Variants in COPA observed in about 807,000 individuals in gnomAD.
The protein encoded by COPA is coat protein complex I subunit alpha.
In COPA, 10 loss-of-function variants were observed where a neutral mutation model predicts 158.7. That is an observed-to-expected ratio of 0.06 (90% confidence interval 0.04 to 0.11). COPA has a LOEUF of 0.11. COPA is among the 10% of genes least tolerant of loss of function. COPA has a pLI of 1.00. For missense variants in COPA, 1,065 were observed against 1,536.7 expected (o/e 0.69, Z 5.13); for synonymous variants, 462 against 542.8 (o/e 0.85, Z 2.07).
intron 17 of COPA, among the ~76,000 whole-genome samples, chr1:160,303,071 G>A (rs1454507756): frequency 6.6e-6 from 1 of 152,032 alleles, no homozygotes; most frequent in Admixed American, 6.6e-5. Context: ...TACTCAGGAG[G>A]CTGAGGCAGG....
intron 17 of COPA, 134 bp downstream of exon 17, chr1:160,305,299 C>T: frequency 1.4e-6 from 1 of 740,078 alleles, no homozygotes. Flanking sequence ...TGTTCTGATG[C>T]CCCTTGCACA....
chr1:160,342,264 C>A (rs1466470021), intron 1 of COPA, among the ~76,000 whole-genome samples: 1 of 152,190 alleles, frequency 6.6e-6, no homozygotes, highest in African/African-American at 2.4e-5. Context: ...CATCTGACTT[C>A]AAAGACCAAG....
intron 13 of COPA, among the ~76,000 whole-genome samples, chr1:160,308,486 C>G (rs1571160873): frequency 6.6e-6 from 1 of 152,184 alleles, no homozygotes; most frequent in African/African-American, 2.4e-5. Flanking sequence ...TGACCTGGTA[C>G]TAGCCATAAA....
At chr1:160,295,973 T>C in intron 22 of COPA, 88 bp downstream of exon 22, 1 of 1,575,956 alleles carries the variant, frequency 6.3e-7, no homozygotes, top group Non-Finnish European at 8.7e-7. Context: ...GGTAACCAGG[T>C]GGGAGAGTGA....
rs187547429 is a variant in COPA at position 160,305,537 on chromosome 1, T to C, written c.1563A>G (p.Leu521=). ...CACGAATGTTCTCATGAATGTTACA[T>C]AAAGCATCCAGTTTGCGGTTACAGA... ...IVICNRKLDA[L]CNIHENIRVK... Residue 521 remains leucine (L), a synonymous_variant, in exon 17 of 33, where the codon TTA becomes TTG. Coordinates refer to ENST00000241704, the MANE Select transcript of COPA (RefSeq NM_004371.4). 7 of 1,614,074 alleles carry C rather than the reference T, an allele frequency of 4.3e-6. No homozygotes were observed. The highest frequency in any genetic ancestry group is 5.9e-6 in the Non-Finnish European group (7 of 1,180,052).
chr1:160,301,588 C>T (rs1282476656), intron 17 of COPA, among the ~76,000 whole-genome samples: 1 of 151,924 alleles, frequency 6.6e-6, no homozygotes, highest in African/African-American at 2.4e-5. Context: ...GCCTGAGCAA[C>T]ATGGTGAAAC....
At chr1:160,309,215 G>C in intron 12 of COPA, 39 bp from the exon 13 acceptor site, 1 of 1,485,278 alleles carries the variant, frequency 6.7e-7, no homozygotes, top group Non-Finnish European at 9.4e-7. Context: ...TTAGTGAGAA[G>C]CACCCAAGAT....
At chr1:160,318,475 A>AAC (rs1659221057) in intron 8 of COPA, among the ~76,000 whole-genome samples, 1 of 89,634 alleles carries the variant, frequency 1.1e-5, no homozygotes, top group Non-Finnish European at 2.0e-5. Context: ...TTGTAAAAAA[A>AAC]AAAAAAAAAA....
chr1:160,342,711 C>T (rs73029438), intron 1 of COPA, among the ~76,000 whole-genome samples: 7,530 of 152,190 alleles, frequency 0.049, 361 homozygotes, highest in African/African-American at 0.12. Flanking sequence ...TGCCACTACT[C>T]GTCTCCAAAA....
rs990253819 is a variant in COPA, at chr1:160,314,246, T to C, written c.707-121A>G. ...ATTACAGAATGCTAAATTGCCAACT[T>C]CTTTCTAATATGGCAATCTTCTTCA... is the stretch of plus-strand genomic sequence containing the variant. On this transcript the variant is annotated intron_variant, in intron 8 of 32. Coordinates refer to ENST00000241704, the MANE Select transcript of COPA (RefSeq NM_004371.4). The C allele has an allele frequency of 3.5e-5, 35 of 991,670 alleles. No individual in the cohort carries two copies. In the African/African-American group the frequency reaches 5.3e-4, roughly 15 times the overall value. 61.4% of individuals were successfully genotyped at this position (991,670 alleles called of 1,614,324 possible). A position where few individuals can be genotyped will look rare whatever the true frequency, so the allele number is the denominator to read the frequency against.
In COPA at chr1:160,335,361, T is replaced by C. The variant is rs74123115; in HGVS notation, c.229-39A>G. On this transcript the variant is annotated intron_variant, in intron 3 of 32. Coordinates refer to ENST00000241704, the MANE Select transcript of COPA (RefSeq NM_004371.4). Reference sequence around the variant, plus strand: ...TCAAACTAAGAAACAGAAATAGTTATTGAGCCTCTAAAAGGCTCAGAGAAA... The same window carrying C: ...TCAAACTAAGAAACAGAAATAGTTACTGAGCCTCTAAAAGGCTCAGAGAAA... 5,041 of 1,561,170 alleles carry C rather than the reference T, an allele frequency of 3.2e-3. 120 individuals carry two copies. The African/African-American group carries it at 0.058, about 18-fold the overall frequency.
chr1:160,338,227 TATA>T (rs1453480271), intron 3 of COPA, among the ~76,000 whole-genome samples: 9 of 152,250 alleles, frequency 5.9e-5, no homozygotes, highest in African/African-American at 2.2e-4. Context: ...ACAAAAATAC[TATA>T]ATGAGGTGAT....
At chr1:160,335,355 T>A in intron 3 of COPA, 33 bp from the exon 4 acceptor site, 1 of 1,577,646 alleles carries the variant, frequency 6.3e-7, no homozygotes, top group Non-Finnish European at 8.6e-7. Context: ...GAAACAGAAA[T>A]AGTTATTGAG....
chr1:160,329,784 T>C (rs1034493665), intron 6 of COPA, among the ~76,000 whole-genome samples: 4 of 152,222 alleles, frequency 2.6e-5, no homozygotes, highest in African/African-American at 9.6e-5. Flanking sequence ...TAGCACTTAA[T>C]TCTCTCACAG....
At chr1:160,292,747 T>C (rs566890862) in intron 27 of COPA, 127 bp from the exon 28 acceptor site, 3 of 699,230 alleles carry the variant, frequency 4.3e-6, no homozygotes, top group East Asian at 5.4e-5. Context: ...TTGTAAGACC[T>C]ACCTCATTTA....
chr1:160,343,187 T>G lies in COPA; in HGVS notation c.-17A>C. On this transcript the variant is annotated 5_prime_UTR_variant, in exon 1 of 33. Coordinates refer to ENST00000241704, the MANE Select transcript of COPA (RefSeq NM_004371.4). ...GGTTAACATCTCTCAGGTCTCCGAC[T>G]CCGATGTCTTAATCCGAGCCCCGAC... 6.2e-7 allele frequency: 1 copy of G among 1,614,162 alleles called. No homozygotes were observed. The highest frequency in any genetic ancestry group is 8.5e-7 in the Non-Finnish European group (1 of 1,180,008).
At position 160,294,585 on chromosome 1, in the gene COPA, C is replaced by A. The variant is rs540161688; in HGVS notation, c.2575G>T (p.Val859Leu). The change falls in exon 25 of 33, where the codon GTG (valine) becomes TTG (leucine). Residue 859 changes from valine to leucine, a missense_variant. Physicochemically the swap from Val to Leu is conservative, Grantham distance 32. Coordinates refer to ENST00000241704, the MANE Select transcript of COPA (RefSeq NM_004371.4). ...TCCCCCAAACCTTCTGTAGCCTCCA[C>A]AAACCCATCTGTAAGGAAAATTCAA... Reference protein sequence around the residue: ...AELQLDEDGFVEATEGLGDDA... With the variant: ...AELQLDEDGFLEATEGLGDDA... 7.1e-5 allele frequency: 115 copies of A among 1,614,074 alleles called. No homozygotes were observed. The highest frequency in any genetic ancestry group is 9.2e-5 in the Non-Finnish European group (109 of 1,180,030).
intron 1 of COPA, among the ~76,000 whole-genome samples, chr1:160,342,218 C>T (rs947193744): frequency 4.3e-4 from 65 of 152,180 alleles, no homozygotes; most frequent in African/African-American, 1.5e-3. Context: ...CAAGTCACAG[C>T]TTGTTAGTGG....
chr1:160,320,630 A>AAAAAAAAAAT, intron 8 of COPA, among the ~76,000 whole-genome samples: 1 of 149,794 alleles, frequency 6.7e-6, no homozygotes, highest in Admixed American at 6.7e-5. Flanking sequence ...AAAAAAAAAA[A>AAAAAAAAAAT]AAGATTGAAC....
Sources: allele counts gnomAD v4.1 joint callset (sites outside exome capture counted in the v4.1 genomes callset), GRCh38; gene constraint gnomAD v4.1.1; transcripts MANE v1.5; gene names NCBI Gene and HGNC (gene_info 2026-07-23, HGNC 2026-07-21).